ACACB: variants seen among roughly 807,000 people sequenced by gnomAD.
The protein encoded by ACACB is acetyl-CoA carboxylase 2.
Under a neutral mutation model 278.8 loss-of-function variants are expected in ACACB, and 209 were observed. The ratio of observed to expected loss-of-function variants is 0.75; its 90% CI spans 0.67 to 0.84. The LOEUF (loss-of-function observed/expected upper bound fraction) is 0.84, where lower values mean the gene tolerates loss of function less well. Ranked by LOEUF, ACACB falls within the 40% of genes least tolerant of loss-of-function variation. The pLI is 0.00. For missense variants in ACACB, 2,850 were observed against 3,269.0 expected (o/e 0.87, Z 3.13); for synonymous variants, 1,174 against 1,285.6 (o/e 0.91, Z 1.86).
chr12:109,206,359 G>A (rs1202180005), intron 19 of ACACB, among the ~76,000 whole-genome samples: 4 of 149,096 alleles, frequency 2.7e-5, no homozygotes, highest in South Asian at 2.1e-4. Context: ...GCTTGAACCC[G>A]GGAGGCAGAG....
rs77465140 is a variant in ACACB, at chr12:109,195,474, C to T, written c.2482-1534C>T. On this transcript the variant is annotated intron_variant, in intron 16 of 52. Coordinates refer to ENST00000338432, the MANE Select transcript of ACACB (RefSeq NM_001093.4). ...TTGGCTACCTTTGGGGACCTAGCTG[C>T]CCCCAACTTGATTTTAAATGTCACA... 5.9e-5 allele frequency among the ~76,000 whole-genome samples: 9 copies of T among 152,200 alleles called. No homozygotes were observed. The East Asian group carries it at 1.7e-3, about 29-fold the overall frequency.
At chr12:109,188,199 TTCCTTCCTTC>T in intron 13 of ACACB, 37 bp downstream of exon 13, 1 of 1,258,984 alleles carries the variant, frequency 7.9e-7, no homozygotes, top group East Asian at 2.5e-5. Flanking sequence ...CCTTCCTTCC[TTCCTTCCTTC>T]CTTCCTTCCT....
At chr12:109,227,591 G>A in intron 28 of ACACB, 102 bp downstream of exon 28, 2 of 1,092,902 alleles carry the variant, frequency 1.8e-6, no homozygotes, top group Non-Finnish European at 1.4e-6. Flanking sequence ...TGGGCACGCT[G>A]CTGGGGAGAC....
chr12:109,201,491 C>T (rs759754313), intron 18 of ACACB, 76 bp from the exon 19 acceptor site: 73 of 1,570,326 alleles, frequency 4.6e-5, no homozygotes, highest in Middle Eastern at 1.7e-4. Context: ...GTCCCTGCTC[C>T]GGCATCACTA....
At chr12:109,186,523 C>T (rs915734573) in intron 12 of ACACB, among the ~76,000 whole-genome samples, 4 of 152,134 alleles carry the variant, frequency 2.6e-5, no homozygotes, top group African/African-American at 9.7e-5. Flanking sequence ...TGTAGAGAGT[C>T]CCTTTGTGAC....
chr12:109,229,592 C>T (rs769375757), intron 28 of ACACB, among the ~76,000 whole-genome samples: 12 of 152,092 alleles, frequency 7.9e-5, no homozygotes, highest in Non-Finnish European at 1.6e-4. Context: ...TGCAACGGCG[C>T]GATCTCAGCT....
intron 16 of ACACB, among the ~76,000 whole-genome samples, chr12:109,195,786 T>C (rs2136304689): frequency 6.6e-6 from 1 of 152,274 alleles, no homozygotes; most frequent in Non-Finnish European, 1.5e-5. Context: ...GAACTTTTAA[T>C]AGTGATGGGA....
At chr12:109,182,343 G>T (rs1253751035) in intron 11 of ACACB, among the ~76,000 whole-genome samples, 1 of 151,990 alleles carries the variant, frequency 6.6e-6, no homozygotes, top group Non-Finnish European at 1.5e-5. Flanking sequence ...GGATTCATGA[G>T]ACTTTTTTCC....
At chr12:109,162,399 CA>C (rs1167991435) in intron 2 of ACACB, among the ~76,000 whole-genome samples, 1 of 152,056 alleles carries the variant, frequency 6.6e-6, no homozygotes, top group Non-Finnish European at 1.5e-5. Flanking sequence ...ACAGAACCCC[CA>C]AAAGGCATAG....
intron 2 of ACACB, among the ~76,000 whole-genome samples, chr12:109,149,537 T>C (rs1204974202): frequency 6.6e-6 from 1 of 152,148 alleles, no homozygotes; most frequent in African/African-American, 2.4e-5. Flanking sequence ...TGAGCTATGA[T>C]TGTGCCAGTG....
chr12:109,245,875 G>A (rs2046928242), intron 38 of ACACB, 127 bp downstream of exon 38: 1 of 1,243,578 alleles, frequency 8.0e-7, no homozygotes, highest in African/African-American at 1.5e-5. Flanking sequence ...GATCACTTGA[G>A]GTCAGAAGTT....
At chr12:109,179,773 G>A (rs1175852702) in intron 10 of ACACB, 144 bp from the exon 11 acceptor site, 3 of 933,256 alleles carry the variant, frequency 3.2e-6, no homozygotes, top group Non-Finnish European at 4.7e-6. Flanking sequence ...TGATAGGCAT[G>A]AGCCACCACA....
At chr12:109,218,452 G>A (rs376990615) in intron 24 of ACACB, among the ~76,000 whole-genome samples, 110 of 152,164 alleles carry the variant, frequency 7.2e-4, no homozygotes, top group African/African-American at 2.3e-3. Context: ...TCGAACTCCC[G>A]CGCTCAAGCA....
chr12:109,258,582 G>A (rs988552518), intron 46 of ACACB, among the ~76,000 whole-genome samples: 18 of 152,168 alleles, frequency 1.2e-4, no homozygotes, highest in African/African-American at 4.3e-4. Flanking sequence ...CTCAGCAGAT[G>A]ATAAAGGTCC....
At chr12:109,195,987 T>C (rs35804667) in intron 16 of ACACB, among the ~76,000 whole-genome samples, 68,720 of 152,114 alleles carry the variant, frequency 0.45, 16,859 homozygotes, top group Middle Eastern at 0.66. Flanking sequence ...GGTTGTTGGC[T>C]TGCTAATTTT....
At chr12:109,125,609 T>C (rs2042661098) in intron 1 of ACACB, 1 of 151,902 alleles carries the variant, frequency 6.6e-6, no homozygotes, top group African/African-American at 2.4e-5. Context: ...CTTAGCGCAA[T>C]GCTTGGTACA....
At chr12:109,166,649 CAAAAAAAAAAAAAAAAAA>C (rs869303420) in intron 2 of ACACB, among the ~76,000 whole-genome samples, 194 bp from the exon 3 acceptor site, 1 of 25,062 alleles carries the variant, frequency 4.0e-5, no homozygotes. Context: ...GATCCCGTCT[CAAAAAAAAAAAAAAAAAA>C]AAAAAAAAAA....
intron 31 of ACACB, 135 bp downstream of exon 31, chr12:109,234,180 C>A (rs1342529430): frequency 1.4e-6 from 1 of 719,116 alleles, no homozygotes; most frequent in Non-Finnish European, 2.4e-6. Flanking sequence ...CACTCTAGCT[C>A]TGCTCGCCTC....
At chr12:109,214,194 C>T (rs955766686) in intron 22 of ACACB, among the ~76,000 whole-genome samples, 5 of 151,890 alleles carry the variant, frequency 3.3e-5, no homozygotes, top group African/African-American at 9.7e-5. Context: ...CCCAGGAGTT[C>T]GAGGTTATAG....
Sources: gnomAD v4.1 joint callset for allele counts (sites outside exome capture counted in the v4.1 genomes callset) on GRCh38, gnomAD v4.1.1 for gene constraint, MANE v1.5 for transcripts, NCBI Gene and HGNC (gene_info 2026-07-23, HGNC 2026-07-21) for gene names.